The following CCSER1 variants were observed in gnomAD, a reference collection of about 807,000 sequenced individuals.
CCSER1 encodes the protein serine-rich coiled-coil domain-containing protein 1.
In CCSER1, 41 loss-of-function variants were observed where a neutral mutation model predicts 82.0. The observed-to-expected ratio is 0.50, with a 90% CI of 0.39 to 0.65. The LOEUF (loss-of-function observed/expected upper bound fraction) is 0.65. Ranked by LOEUF, CCSER1 falls within the 30% of genes least tolerant of loss-of-function variation. The probability of loss-of-function intolerance (pLI) is 0.00; values close to 1 mark genes in which losing one functional copy is unlikely to be tolerated. For synonymous variants in CCSER1, 414 were observed against 383.9 expected (o/e 1.08, Z -0.92); for missense variants, 1,119 against 1,064.2 (o/e 1.05, Z -0.72).
chr4:90,828,611 A>C (rs1215557164), intron 8 of CCSER1, among the ~76,000 whole-genome samples: 1 of 152,094 alleles, frequency 6.6e-6, no homozygotes, highest in Non-Finnish European at 1.5e-5. Flanking sequence ...AAAAAGGAGG[A>C]TTTTACCAGT....
At chr4:90,393,275 A>T (rs1561155915) in intron 3 of CCSER1, among the ~76,000 whole-genome samples, 1 of 152,220 alleles carries the variant, frequency 6.6e-6, no homozygotes, top group Non-Finnish European at 1.5e-5. Flanking sequence ...GTTTAGACTG[A>T]CACAGGGAAG....
intron 9 of CCSER1, among the ~76,000 whole-genome samples, chr4:91,066,407 C>T (rs12510185): frequency 0.25 from 38,385 of 151,942 alleles, 5,170 homozygotes; most frequent in Non-Finnish European, 0.3. Context: ...TGGCCTCCTT[C>T]GCAGCCAAGA....
chr4:90,407,556 A>G (rs1753914078), intron 4 of CCSER1, among the ~76,000 whole-genome samples: 1 of 152,154 alleles, frequency 6.6e-6, no homozygotes, highest in Non-Finnish European at 1.5e-5. Flanking sequence ...ACAAAAGAAA[A>G]CTACAGACAA....
At chr4:91,573,603 C>G (rs1254433071) in intron 10 of CCSER1, among the ~76,000 whole-genome samples, 1 of 152,188 alleles carries the variant, frequency 6.6e-6, no homozygotes, top group Non-Finnish European at 1.5e-5. Context: ...TTCACACATT[C>G]ACTCAGCACT....
At chr4:91,153,076 G>C (rs982589856) in intron 10 of CCSER1, among the ~76,000 whole-genome samples, 1 of 151,980 alleles carries the variant, frequency 6.6e-6, no homozygotes, top group Non-Finnish European at 1.5e-5. Flanking sequence ...ATTTGGGGAA[G>C]TTCTCCTGGA....
chr4:91,395,579 A>G (rs1186539272), intron 10 of CCSER1, among the ~76,000 whole-genome samples: 1 of 152,010 alleles, frequency 6.6e-6, no homozygotes, highest in African/African-American at 2.4e-5. Flanking sequence ...ATTATATACA[A>G]TAAGGGGGTC....
At chr4:91,537,697 T>C (rs866848244) in intron 10 of CCSER1, among the ~76,000 whole-genome samples, 17 of 152,008 alleles carry the variant, frequency 1.1e-4, no homozygotes, top group Non-Finnish European at 2.9e-5. Flanking sequence ...TCATATAAAG[T>C]GTGATAACTT....
chr4:91,376,383 A>G (rs1750413392), intron 10 of CCSER1, among the ~76,000 whole-genome samples: 1 of 152,160 alleles, frequency 6.6e-6, no homozygotes. Flanking sequence ...CAACTGTAAC[A>G]CAATGGGAAG....
intron 10 of CCSER1, among the ~76,000 whole-genome samples, chr4:91,510,285 T>TGCTATTGTG (rs1410921144): frequency 6.6e-6 from 1 of 152,216 alleles, no homozygotes; most frequent in African/African-American, 2.4e-5. Context: ...TCCCTATCTT[T>TGCTATTGTG]GCTATTGTGA....
chr4:90,950,787 CTGTATT>C (rs1044253243), intron 9 of CCSER1, among the ~76,000 whole-genome samples: 9 of 152,054 alleles, frequency 5.9e-5, no homozygotes, highest in Non-Finnish European at 1.2e-4. Flanking sequence ...ACTGTGGAGT[CTGTATT>C]TGTTTATCCT....
intron 3 of CCSER1, among the ~76,000 whole-genome samples, chr4:90,332,908 A>G (rs1162258056): frequency 6.6e-6 from 1 of 152,210 alleles, no homozygotes; most frequent in Non-Finnish European, 1.5e-5. Context: ...AACAAAATCT[A>G]GGCTCCAATC....
At chr4:91,368,641 A>C (rs930168661) in intron 10 of CCSER1, among the ~76,000 whole-genome samples, 2 of 152,074 alleles carry the variant, frequency 1.3e-5, no homozygotes, top group African/African-American at 4.8e-5. Flanking sequence ...TGTCTCCTGG[A>C]TTCATAATTG....
In CCSER1 at chr4:90,453,566, C is replaced by T. The variant is rs534189288; in HGVS notation, c.1604-14668C>T. ...GCAATTGTGGCTCAGCCAATTTTCCCTGGAGTAGTCCAAACTTCTGTGTTA... is the reference window on the plus strand; with the variant it reads ...GCAATTGTGGCTCAGCCAATTTTCCTTGGAGTAGTCCAAACTTCTGTGTTA... On this transcript the variant is annotated intron_variant, in intron 4 of 10. Transcript: ENST00000509176. 2.6e-5 allele frequency among the ~76,000 whole-genome samples: 4 copies of T among 152,268 alleles called. No individual in the cohort carries two copies. In the South Asian group the frequency reaches 8.3e-4, roughly 32 times the overall value.
intron 8 of CCSER1, among the ~76,000 whole-genome samples, chr4:90,841,109 G>T (rs2149873627): frequency 6.7e-6 from 1 of 149,466 alleles, no homozygotes; most frequent in South Asian, 2.2e-4. Flanking sequence ...CTGCACTTTG[G>T]CAGATAAGAT....
chr4:90,259,632 T>A (rs1168185219), intron 1 of CCSER1, among the ~76,000 whole-genome samples: 1 of 152,162 alleles, frequency 6.6e-6, no homozygotes, highest in Non-Finnish European at 1.5e-5. Flanking sequence ...GGTAAGTCCC[T>A]TCTATGCCTA....
At chr4:90,970,700 G>A (rs1446276033) in intron 9 of CCSER1, among the ~76,000 whole-genome samples, 1 of 151,890 alleles carries the variant, frequency 6.6e-6, no homozygotes, top group Non-Finnish European at 1.5e-5. Flanking sequence ...CATAAAACAA[G>A]TCTTAACAAA....
intron 10 of CCSER1, among the ~76,000 whole-genome samples, chr4:91,504,564 A>C (rs1759384761): frequency 6.6e-6 from 1 of 152,134 alleles, no homozygotes; most frequent in Admixed American, 6.5e-5. Flanking sequence ...ATCACATATC[A>C]CATATGGTTT....
intron 10 of CCSER1, among the ~76,000 whole-genome samples, chr4:91,275,398 G>T (rs1263911851): frequency 1.3e-5 from 2 of 151,412 alleles, no homozygotes; most frequent in Non-Finnish European, 2.9e-5. Flanking sequence ...ATTTGTTTTT[G>T]ATTTGCACCT....
chr4:91,297,665 C>G lies in CCSER1; in HGVS notation c.2217+211671C>G, dbSNP rs1041786740. Among the ~76,000 whole-genome samples the G allele has an allele frequency of 3.3e-5, 5 of 151,812 alleles. No individual in the cohort carries two copies. The South Asian group carries it at 8.3e-4, about 25-fold the overall frequency. On this transcript the variant is annotated intron_variant, in intron 10 of 10. Transcript: ENST00000509176. ...TAGACTGGAAAATAGGAGGTAAAAT[C>G]ACCTAGATGACAGCAGGAATTGCCA...
Sources: gnomAD v4.1 joint callset for allele counts (sites outside exome capture counted in the v4.1 genomes callset) on GRCh38, gnomAD v4.1.1 for gene constraint, MANE v1.5 for transcripts, NCBI Gene and HGNC (gene_info 2026-07-23, HGNC 2026-07-21) for gene names.